METTL24: variants seen among roughly 807,000 people sequenced by gnomAD.
METTL24 encodes probable methyltransferase-like protein 24.
A neutral mutation model predicts 32.7 loss-of-function variants in METTL24; 29 were observed. That is an observed-to-expected ratio of 0.89 (90% CI 0.66 to 1.21). The LOEUF is 1.21. Among genes scored for constraint, METTL24 ranks in the 50% most tolerant of loss-of-function variants. The probability of loss-of-function intolerance (pLI) is 0.00; values close to 1 mark genes in which losing one functional copy is unlikely to be tolerated. For synonymous variants in METTL24, 163 were observed against 179.5 expected (o/e 0.91, Z 0.73); for missense variants, 439 against 468.1 (o/e 0.94, Z 0.57).
intron 4 of METTL24, among the ~76,000 whole-genome samples, chr6:110,283,690 T>C (rs2114719281): frequency 6.6e-6 from 1 of 152,352 alleles, no homozygotes; most frequent in South Asian, 2.1e-4. Flanking sequence ...AACATACTTC[T>C]GTCTTTTCAG....
rs1436967893 is a variant in METTL24 at position 110,244,956 on chromosome 6, T to C, written c.*990A>G. On this transcript the variant is annotated 3_prime_UTR_variant, in exon 5 of 5. Coordinates refer to ENST00000338882, the MANE Select transcript of METTL24 (RefSeq NM_001123364.3). Reference sequence around the variant, plus strand: ...TCAAGAAAATGGTGAAACATGCCAGTAGGAAAATCTATCTTATCTATCTAT... The same window carrying C: ...TCAAGAAAATGGTGAAACATGCCAGCAGGAAAATCTATCTTATCTATCTAT... Among the ~76,000 whole-genome samples, 4 of 142,666 alleles carry C rather than the reference T, an allele frequency of 2.8e-5. No homozygotes were observed. The highest frequency in any genetic ancestry group is 1.1e-4 in the African/African-American group (4 of 36,160). The allele number at this position is 142,666 out of a possible 152,430, so 93.6% of individuals were successfully genotyped here. A position where few individuals can be genotyped will look rare whatever the true frequency, so the allele number is the denominator to read the frequency against.
intron 3 of METTL24, among the ~76,000 whole-genome samples, chr6:110,310,153 A>G (rs1771694980): frequency 6.6e-6 from 1 of 152,164 alleles, no homozygotes; most frequent in Non-Finnish European, 1.5e-5. Flanking sequence ...AAGTTCCCAG[A>G]TTTTCGGTAT....
intron 4 of METTL24, among the ~76,000 whole-genome samples, chr6:110,265,632 T>C (rs754818647): frequency 6.6e-6 from 1 of 152,132 alleles, no homozygotes; most frequent in Non-Finnish European, 1.5e-5. Context: ...GCTTCCTCCA[T>C]CATTTCAACT....
chr6:110,356,335 CG>C (rs1433536610), intron 1 of METTL24, among the ~76,000 whole-genome samples: 1 of 151,918 alleles, frequency 6.6e-6, no homozygotes, highest in African/African-American at 2.4e-5. Flanking sequence ...CCCAGCTACT[CG>C]GTAGGCTGAG....
chr6:110,310,915 G>T (rs541636817), intron 3 of METTL24, among the ~76,000 whole-genome samples: 1 of 152,284 alleles, frequency 6.6e-6, no homozygotes, highest in African/African-American at 2.4e-5. Context: ...AGCTGCAGCT[G>T]CATCCATTGT....
intron 3 of METTL24, among the ~76,000 whole-genome samples, chr6:110,310,578 T>C (rs1241807035): frequency 6.6e-6 from 1 of 152,192 alleles, no homozygotes; most frequent in Non-Finnish European, 1.5e-5. Context: ...ATAATATGTA[T>C]CTTTTCAGTG....
At chr6:110,333,089 T>G (rs1402480350) in intron 1 of METTL24, among the ~76,000 whole-genome samples, 3 of 152,172 alleles carry the variant, frequency 2.0e-5, no homozygotes, top group African/African-American at 7.2e-5. Context: ...ACCTGGACTT[T>G]CTGAAACTCA....
At chr6:110,309,862 C>CAAAAA (rs11408319) in intron 3 of METTL24, among the ~76,000 whole-genome samples, 1 of 148,034 alleles carries the variant, frequency 6.8e-6, no homozygotes, top group Non-Finnish European at 1.5e-5. Context: ...TTCTTAGGAG[C>CAAAAA]AAAAAAAACA....
chr6:110,327,178 A>T (rs530835938), intron 1 of METTL24, among the ~76,000 whole-genome samples: 2 of 152,360 alleles, frequency 1.3e-5, no homozygotes, highest in South Asian at 4.1e-4. Context: ...GAAAATACAA[A>T]GGCAGAGCAT....
intron 1 of METTL24, among the ~76,000 whole-genome samples, chr6:110,338,770 G>A (rs995859704): frequency 4.6e-5 from 7 of 152,108 alleles, no homozygotes; most frequent in African/African-American, 1.7e-4. Context: ...TTAAGGTTAG[G>A]TTTTGTCCAA....
At chr6:110,357,072 G>T (rs1413943654) in intron 1 of METTL24, among the ~76,000 whole-genome samples, 2 of 152,172 alleles carry the variant, frequency 1.3e-5, no homozygotes, top group Non-Finnish European at 2.9e-5. Context: ...AGGAACAGCC[G>T]GGCAACGGAA....
intron 4 of METTL24, among the ~76,000 whole-genome samples, chr6:110,265,162 AAAGAAAGAAAGAAAG>A (rs1770830479): frequency 4.0e-5 from 6 of 149,430 alleles, no homozygotes; most frequent in African/African-American, 1.5e-4. Flanking sequence ...AGAAAGAAAG[AAAGAAAGAAAGAAAG>A]AAAGAAAGAA....
At chr6:110,263,438 G>A (rs1770788940) in intron 4 of METTL24, among the ~76,000 whole-genome samples, 1 of 152,162 alleles carries the variant, frequency 6.6e-6, no homozygotes, top group Non-Finnish European at 1.5e-5. Flanking sequence ...TCTTCAAGGA[G>A]AACTACAAGC....
chr6:110,304,434 A>G (rs964755154), intron 3 of METTL24, among the ~76,000 whole-genome samples: 1 of 152,324 alleles, frequency 6.6e-6, no homozygotes, highest in Non-Finnish European at 1.5e-5. Context: ...AAAGGTTAGA[A>G]GAATTGCTAA....
chr6:110,328,198 C>T (rs936345877), intron 1 of METTL24, among the ~76,000 whole-genome samples: 16 of 152,190 alleles, frequency 1.1e-4, no homozygotes, highest in African/African-American at 3.9e-4. Context: ...GAGGGGCCTG[C>T]CCCACCTCAG....
chr6:110,326,279 C>A lies in METTL24; in HGVS notation c.319-3407G>T, dbSNP rs551736975. On this transcript the variant is annotated intron_variant, in intron 1 of 4. Coordinates refer to ENST00000338882, the MANE Select transcript of METTL24 (RefSeq NM_001123364.3). ...CTGGGGTTCCCCGCTCAGTCTATTA[C>A]CATTACATCAGACCCTTTTGTCCAA... Among the ~76,000 whole-genome samples the A allele has an allele frequency of 7.2e-5, 11 of 152,344 alleles. No individual in the cohort carries two copies. The South Asian group carries it at 2.3e-3, about 32-fold the overall frequency.
intron 4 of METTL24, among the ~76,000 whole-genome samples, chr6:110,267,035 C>G (rs1362994313): frequency 6.6e-6 from 1 of 151,846 alleles, no homozygotes; most frequent in African/African-American, 2.4e-5. Flanking sequence ...CTTGAGGGAC[C>G]TGCTTTTTTT....
rs993281740 is a variant in METTL24 at position 110,347,950 on chromosome 6, C to T, written c.318+10005G>A. 2.0e-5 allele frequency among the ~76,000 whole-genome samples: 3 copies of T among 152,166 alleles called. No homozygotes were observed. The East Asian group carries it at 5.8e-4, about 29-fold the overall frequency. On this transcript the variant is annotated intron_variant, in intron 1 of 4. Coordinates refer to ENST00000338882, the MANE Select transcript of METTL24 (RefSeq NM_001123364.3). ...AGATTAAAAAGAAAAATTCCAACTC[C>T]TCTGATCCCTGAGCATATTATATAT...
At chr6:110,263,526 G>A (rs1434136061) in intron 4 of METTL24, among the ~76,000 whole-genome samples, 16 of 152,236 alleles carry the variant, frequency 1.1e-4, no homozygotes, top group Admixed American at 3.9e-4. Flanking sequence ...AATCAATATC[G>A]TGAAAATGGC....
Sources: gnomAD v4.1 joint callset for allele counts (sites outside exome capture counted in the v4.1 genomes callset) on GRCh38, gnomAD v4.1.1 for gene constraint, MANE v1.5 for transcripts, NCBI Gene and HGNC (gene_info 2026-07-23, HGNC 2026-07-21) for gene names.